The following LIMA1 variants were observed in gnomAD, a reference collection of about 807,000 sequenced individuals.
LIMA1 encodes the protein LIM domain and actin binding 1, also known as LIM domain and actin-binding protein 1.
In LIMA1, 52 loss-of-function variants were observed where a neutral mutation model predicts 62.6. The observed-to-expected ratio is 0.83, with a 90% confidence interval of 0.67 to 1.05. The LOEUF is 1.05. LIMA1 is among the 50% of genes least tolerant of loss of function. The pLI, the probability that LIMA1 is intolerant of heterozygous loss-of-function variation, is 0.00. For synonymous variants in LIMA1, 302 were observed against 317.8 expected (o/e 0.95, Z 0.53); for missense variants, 780 against 902.2 (o/e 0.86, Z 1.74).
chr12:50,200,381 A>G (rs1321304361), intron 7 of LIMA1, among the ~76,000 whole-genome samples: 3 of 151,456 alleles, frequency 2.0e-5, no homozygotes, highest in African/African-American at 7.3e-5. Flanking sequence ...TTATATTTTT[A>G]GTAGAGATGG....
chr12:50,239,262 T>G (rs1941739453), intron 2 of LIMA1, among the ~76,000 whole-genome samples: 1 of 152,034 alleles, frequency 6.6e-6, no homozygotes, highest in Non-Finnish European at 1.5e-5. Flanking sequence ...GGAACACAAT[T>G]GAGAAAGGAA....
Position 50,176,929 on chromosome 12 carries a change from A to G in LIMA1, c.*135T>C. 3.0e-6 allele frequency: 2 copies of G among 673,192 alleles called. No homozygotes were observed. Among genetic ancestry groups the G allele is most frequent in the Non-Finnish European group, 4.7e-6 (2 of 427,802 alleles). 41.7% of individuals were successfully genotyped at this position (673,192 alleles called of 1,614,324 possible). ...TGTTTTGTTTTTGATTTTAAGAAGGAATTCTTTTCCAAAGTTACTTCCAAG... is the reference window on the plus strand; with the variant it reads ...TGTTTTGTTTTTGATTTTAAGAAGGGATTCTTTTCCAAAGTTACTTCCAAG... On this transcript the variant is annotated 3_prime_UTR_variant, in exon 11 of 11. Coordinates refer to ENST00000341247, the MANE Select transcript of LIMA1 (RefSeq NM_016357.5).
At chr12:50,224,701 A>C (rs1040591660) in intron 3 of LIMA1, among the ~76,000 whole-genome samples, 3 of 152,184 alleles carry the variant, frequency 2.0e-5, no homozygotes, top group African/African-American at 7.2e-5. Flanking sequence ...TTTTGAATGA[A>C]GAAAGCAAAT....
At chr12:50,243,684 C>T (rs1049142711) in intron 2 of LIMA1, among the ~76,000 whole-genome samples, 4 of 152,192 alleles carry the variant, frequency 2.6e-5, no homozygotes, top group Non-Finnish European at 5.9e-5. Context: ...TGCTCCCCTT[C>T]CTCTGGAATG....
intron 3 of LIMA1, among the ~76,000 whole-genome samples, chr12:50,226,994 T>C (rs953874407): frequency 5.3e-5 from 8 of 151,552 alleles, no homozygotes; most frequent in Admixed American, 3.3e-4. Flanking sequence ...TTAGGTCCTC[T>C]GCTTTGCTTA....
chr12:50,229,137 C>A (rs1321999292), intron 3 of LIMA1, among the ~76,000 whole-genome samples: 2 of 152,188 alleles, frequency 1.3e-5, no homozygotes, highest in Admixed American at 6.5e-5. Flanking sequence ...TGGCCTAAAT[C>A]ATTATAATTG....
chr12:50,204,849 C>T (rs941471330), intron 5 of LIMA1, 149 bp from the exon 6 acceptor site: 30 of 663,008 alleles, frequency 4.5e-5, no homozygotes, highest in South Asian at 8.3e-5. Flanking sequence ...CCTCCCAAAG[C>T]GCTGGAATTA....
chr12:50,248,718 T>C lies in LIMA1; in HGVS notation c.34A>G (p.Thr12Ala). The C allele has an allele frequency of 6.2e-7, 1 of 1,610,536 alleles. No homozygotes were observed. The highest frequency in any genetic ancestry group is 2.2e-5 in the East Asian group (1 of 44,864). Reference protein sequence around the residue: ...ESSPFNRRQWTSLSLRVTAKE... With the variant: ...ESSPFNRRQWASLSLRVTAKE... The stretch of plus-strand genomic sequence containing the variant: ...GCTGTTACCCTCAATGATAGTGAGG[T>C]CCATTGCCGTCTATTAAATGGAGAT... Residue 12 changes from threonine to alanine, a missense_variant, in exon 2 of 11, where the codon ACC becomes GCC. Thr to Ala is a moderately conservative substitution (Grantham distance 58). Coordinates refer to ENST00000341247, the MANE Select transcript of LIMA1 (RefSeq NM_016357.5).
chr12:50,233,439 T>G (rs933752851), intron 2 of LIMA1, among the ~76,000 whole-genome samples: 1 of 152,256 alleles, frequency 6.6e-6, no homozygotes, highest in Admixed American at 6.5e-5. Context: ...GGTTGAGAGA[T>G]AGTCACATTG....
chr12:50,202,506 G>A (rs931111098), intron 6 of LIMA1, among the ~76,000 whole-genome samples: 5 of 152,144 alleles, frequency 3.3e-5, no homozygotes, highest in East Asian at 1.9e-4. Flanking sequence ...GTTCAGCTTC[G>A]CAGATCCCAA....
Position 50,200,773 on chromosome 12 carries a change from C to T in LIMA1, c.972+4G>A, listed in dbSNP as rs1941031412. On this transcript the variant is annotated splice_donor_region_variant and intron_variant, in intron 7 of 10. Coordinates refer to ENST00000341247, the MANE Select transcript of LIMA1 (RefSeq NM_016357.5). ...GCAACTGGACATCAGACTTTTCAAC[C>T]TACCTTTTCCCCTTCCTGATGGGTG... The T allele has an allele frequency of 6.2e-7, 1 of 1,613,972 alleles. No individual in the cohort carries two copies. The highest frequency in any genetic ancestry group is 1.7e-5 in the Admixed American group (1 of 59,962).
At chr12:50,197,423 G>C (rs1940955126) in intron 7 of LIMA1, among the ~76,000 whole-genome samples, 3 of 151,604 alleles carry the variant, frequency 2.0e-5, no homozygotes, top group Non-Finnish European at 2.9e-5. Context: ...CTTAGGTATT[G>C]GTTAACAAAA....
At chr12:50,206,406 T>A (rs1158916755) in intron 4 of LIMA1, among the ~76,000 whole-genome samples, 1 of 152,190 alleles carries the variant, frequency 6.6e-6, no homozygotes, top group Non-Finnish European at 1.5e-5. Flanking sequence ...GTTTCCTTTC[T>A]CCGTCTCATG....
At chr12:50,255,585 T>TAAAGAAAAGAAAGAAAAG (rs986971006) in intron 1 of LIMA1, among the ~76,000 whole-genome samples, 2 of 138,788 alleles carry the variant, frequency 1.4e-5, no homozygotes, top group Non-Finnish European at 3.1e-5. Context: ...AAAAAAAAAG[T>TAAAGAAAAGAAAGAAAAG]AAAGAAAAGA....
chr12:50,189,481 T>G (rs75371914), intron 9 of LIMA1: 2 of 152,144 alleles, frequency 1.3e-5, no homozygotes, highest in Admixed American at 1.3e-4. Flanking sequence ...GCTAAAACTT[T>G]TGAAACACAA....
chr12:50,213,576 T>C (rs1941294052), intron 4 of LIMA1, among the ~76,000 whole-genome samples: 2 of 152,258 alleles, frequency 1.3e-5, no homozygotes, highest in South Asian at 2.1e-4. Context: ...AGGATCTATA[T>C]GTCAACAATT....
At chr12:50,212,250 A>AT (rs1941270635) in intron 4 of LIMA1, among the ~76,000 whole-genome samples, 1 of 152,190 alleles carries the variant, frequency 6.6e-6, no homozygotes, top group South Asian at 2.1e-4. Flanking sequence ...CAACACTTTA[A>AT]TTTACTGAGA....
intron 9 of LIMA1, among the ~76,000 whole-genome samples, chr12:50,183,570 T>G (rs1332692723): frequency 6.6e-6 from 1 of 151,960 alleles, no homozygotes; most frequent in Non-Finnish European, 1.5e-5. Flanking sequence ...TCCCACACTT[T>G]GGGAGGTTGA....
At chr12:50,247,814 A>C (rs1471656406) in intron 2 of LIMA1, among the ~76,000 whole-genome samples, 1 of 151,984 alleles carries the variant, frequency 6.6e-6, no homozygotes, top group Non-Finnish European at 1.5e-5. Context: ...TTTTTAGTAG[A>C]GACAGGGTTT....
Sources: allele counts gnomAD v4.1 joint callset (sites outside exome capture counted in the v4.1 genomes callset), GRCh38; gene constraint gnomAD v4.1.1; transcripts MANE v1.5; gene names NCBI Gene and HGNC (gene_info 2026-07-23, HGNC 2026-07-21).